The following CDH13 variants were observed in gnomAD, a reference collection of about 807,000 sequenced individuals.
CDH13 encodes cadherin 13.
In CDH13, 24 loss-of-function variants were observed where a neutral mutation model predicts 63.8. The ratio of observed to expected loss-of-function variants is 0.38; its 90% CI spans 0.27 to 0.53. CDH13 has a LOEUF of 0.53. CDH13 is among the 20% of genes least tolerant of loss of function. The pLI is 0.85. For missense variants in CDH13, 1,049 were observed against 903.1 expected (o/e 1.16, Z -2.07); for synonymous variants, 503 against 355.3 (o/e 1.42, Z -4.67).
At chr16:83,494,794 G>T (rs901284972) in intron 7 of CDH13, among the ~76,000 whole-genome samples, 6 of 152,150 alleles carry the variant, frequency 3.9e-5, no homozygotes, top group Non-Finnish European at 8.8e-5. Flanking sequence ...TTTCACTTTT[G>T]TTTTAAGAGG....
intron 10 of CDH13, among the ~76,000 whole-genome samples, chr16:83,694,682 G>A (rs960336668): frequency 1.3e-5 from 2 of 152,190 alleles, no homozygotes; most frequent in Admixed American, 6.5e-5. Context: ...TCTCTGCAGG[G>A]CATGAAGAGC....
intron 1 of CDH13, among the ~76,000 whole-genome samples, chr16:82,708,469 C>T (rs1188637716): frequency 2.6e-5 from 4 of 152,196 alleles, no homozygotes; most frequent in Non-Finnish European, 5.9e-5. Context: ...ATCTCTCACA[C>T]TTTCTCTTTT....
intron 7 of CDH13, among the ~76,000 whole-genome samples, chr16:83,538,480 C>A (rs2075237307): frequency 6.6e-6 from 1 of 152,026 alleles, no homozygotes; most frequent in Admixed American, 6.5e-5. Flanking sequence ...GAGATTTCAC[C>A]CAGGTGGTTG....
At chr16:82,917,730 G>T (rs1178433455) in intron 2 of CDH13, among the ~76,000 whole-genome samples, 1 of 151,944 alleles carries the variant, frequency 6.6e-6, no homozygotes, top group African/African-American at 2.4e-5. Context: ...TGACCAACAT[G>T]GTGAAACCTC....
At chr16:83,220,627 T>C (rs1185830801) in intron 5 of CDH13, among the ~76,000 whole-genome samples, 1 of 43,458 alleles carries the variant, frequency 2.3e-5, no homozygotes, top group South Asian at 5.1e-4. Flanking sequence ...AATAAATAAA[T>C]AAAAATAAAA....
At chr16:83,031,045 A>T (rs891548368) in intron 2 of CDH13, among the ~76,000 whole-genome samples, 2 of 151,544 alleles carry the variant, frequency 1.3e-5, no homozygotes, top group African/African-American at 2.4e-5. Context: ...GTGGCCCACT[A>T]GAATTCTATA....
chr16:83,508,019 C>G (rs1048852223), intron 7 of CDH13, among the ~76,000 whole-genome samples: 3 of 128,570 alleles, frequency 2.3e-5, no homozygotes, highest in African/African-American at 9.1e-5. Context: ...GCAACAAGAG[C>G]AACATTCGGT....
chr16:82,902,917 G>C (rs1246822473), intron 2 of CDH13, among the ~76,000 whole-genome samples: 1 of 152,174 alleles, frequency 6.6e-6, no homozygotes, highest in Non-Finnish European at 1.5e-5. Context: ...GGGCAAATTG[G>C]ATGGGTCTTG....
At position 83,116,060 on chromosome 16, in the gene CDH13, G is replaced by A. The variant is rs920880003; in HGVS notation, c.367-9325G>A. Among the ~76,000 whole-genome samples, 5 of 152,216 alleles carry A rather than the reference G, an allele frequency of 3.3e-5. No individual in the cohort carries two copies. In the East Asian group the frequency reaches 7.7e-4, roughly 23 times the overall value. On this transcript the variant is annotated intron_variant, in intron 3 of 13. Coordinates refer to ENST00000567109, the MANE Select transcript of CDH13 (RefSeq NM_001257.5). The stretch of plus-strand genomic sequence containing the variant: ...TTCCTTCAGTTGGCTGTTAGGGAAG[G>A]CTTTTATGCCCTTGGCTGGGTGTGA...
At chr16:83,110,303 T>C (rs1033763764) in intron 3 of CDH13, among the ~76,000 whole-genome samples, 3 of 152,220 alleles carry the variant, frequency 2.0e-5, no homozygotes, top group Non-Finnish European at 4.4e-5. Flanking sequence ...GGCATGTCTG[T>C]CTTTCAAAAT....
chr16:82,908,460 A>T (rs1406097085), intron 2 of CDH13, among the ~76,000 whole-genome samples: 1 of 152,198 alleles, frequency 6.6e-6, no homozygotes. Flanking sequence ...ACCCCAGGTT[A>T]ACACAGGGGC....
At chr16:83,435,770 C>G (rs2072278590) in intron 6 of CDH13, among the ~76,000 whole-genome samples, 2 of 152,192 alleles carry the variant, frequency 1.3e-5, no homozygotes, top group Admixed American at 1.3e-4. Context: ...GTTACTCCCT[C>G]TCTCCGTGTT....
intron 1 of CDH13, chr16:82,727,696 C>G (rs192114398): frequency 6.6e-5 from 10 of 151,700 alleles, no homozygotes; most frequent in Admixed American, 5.9e-4. Context: ...ATTGCTAGGA[C>G]AAAAAAAAGA....
chr16:83,727,694 A>G (rs1003988852), intron 10 of CDH13, among the ~76,000 whole-genome samples: 1 of 152,162 alleles, frequency 6.6e-6, no homozygotes, highest in African/African-American at 2.4e-5. Flanking sequence ...AAAGGCCAAA[A>G]AAGTCTTAGG....
At chr16:83,482,172 C>T (rs563174882) in intron 6 of CDH13, among the ~76,000 whole-genome samples, 9 of 152,264 alleles carry the variant, frequency 5.9e-5, no homozygotes, top group African/African-American at 1.9e-4. Context: ...TGGCTCTGGT[C>T]AGTGTGGAAT....
intron 1 of CDH13, among the ~76,000 whole-genome samples, chr16:82,637,071 C>T (rs1274744279): frequency 6.6e-6 from 1 of 152,168 alleles, no homozygotes; most frequent in Admixed American, 6.5e-5. Context: ...CAATTTGCTG[C>T]AAAGATGCAT....
chr16:82,735,157 G>T (rs1054806168), intron 1 of CDH13, among the ~76,000 whole-genome samples: 2 of 152,178 alleles, frequency 1.3e-5, no homozygotes, highest in Non-Finnish European at 2.9e-5. Flanking sequence ...CAAGGGGAAA[G>T]GCTTCAAAGA....
intron 10 of CDH13, among the ~76,000 whole-genome samples, chr16:83,704,200 C>G (rs763288042): frequency 6.6e-6 from 1 of 152,132 alleles, no homozygotes; most frequent in African/African-American, 2.4e-5. Flanking sequence ...TCGAAGGAAG[C>G]TAAGGGATAG....
At chr16:83,356,514 G>A (rs1378465679) in intron 6 of CDH13, among the ~76,000 whole-genome samples, 2 of 152,098 alleles carry the variant, frequency 1.3e-5, no homozygotes, top group African/African-American at 2.4e-5. Context: ...GCTTGATAAA[G>A]CAGCTTTTAC....
Sources: gnomAD v4.1 joint callset for allele counts (sites outside exome capture counted in the v4.1 genomes callset) on GRCh38, gnomAD v4.1.1 for gene constraint, MANE v1.5 for transcripts, NCBI Gene and HGNC (gene_info 2026-07-23, HGNC 2026-07-21) for gene names.